APLF: variants seen among roughly 807,000 people sequenced by gnomAD.
The protein encoded by APLF is aprataxin and PNKP like factor.
A neutral mutation model predicts 55.6 loss-of-function variants in APLF; 61 were observed. The observed-to-expected ratio is 1.10, with a 90% confidence interval of 0.89 to 1.36. The LOEUF is 1.36. APLF is among the 40% of genes most tolerant of loss of function. The pLI, the probability that APLF is intolerant of heterozygous loss-of-function variation, is 0.00. For synonymous variants in APLF, 207 were observed against 214.8 expected (o/e 0.96, Z 0.32); for missense variants, 611 against 602.5 (o/e 1.01, Z -0.15).
intron 5 of APLF, 33 bp from the exon 6 acceptor site, chr2:68,526,028 G>T (rs1670036095): frequency 6.4e-7 from 1 of 1,557,568 alleles, no homozygotes; most frequent in Admixed American, 2.0e-5. Flanking sequence ...AGATACAGAA[G>T]ATAATTTTCT....
At chr2:68,483,405 G>C (rs1485865331) in intron 1 of APLF, among the ~76,000 whole-genome samples, 2 of 152,172 alleles carry the variant, frequency 1.3e-5, no homozygotes, top group Non-Finnish European at 2.9e-5. Context: ...CAGAGGCAGG[G>C]TGCCTTGCAC....
chr2:68,562,390 G>A (rs902335288), intron 8 of APLF, among the ~76,000 whole-genome samples: 1 of 152,050 alleles, frequency 6.6e-6, no homozygotes, highest in African/African-American at 2.4e-5. Flanking sequence ...ACCAGCTGGA[G>A]AGAGATACTT....
intron 7 of APLF, among the ~76,000 whole-genome samples, chr2:68,543,419 T>G (rs1353967105): frequency 6.6e-6 from 1 of 152,204 alleles, no homozygotes; most frequent in Non-Finnish European, 1.5e-5. Context: ...CTATAAATAC[T>G]GCCATGTGAA....
At chr2:68,486,377 A>G (rs1381975479) in intron 1 of APLF, among the ~76,000 whole-genome samples, 1 of 152,114 alleles carries the variant, frequency 6.6e-6, no homozygotes, top group African/African-American at 2.4e-5. Flanking sequence ...CTGGTTCCAC[A>G]TATTTTTATG....
chr2:68,542,272 C>T (rs1670573506), intron 7 of APLF, among the ~76,000 whole-genome samples: 1 of 152,000 alleles, frequency 6.6e-6, no homozygotes, highest in Non-Finnish European at 1.5e-5. Flanking sequence ...GACACCAAAG[C>T]ACAGACAACA....
At chr2:68,547,951 G>A (rs1024287842) in intron 8 of APLF, among the ~76,000 whole-genome samples, 1 of 151,708 alleles carries the variant, frequency 6.6e-6, no homozygotes, top group African/African-American at 2.4e-5. Context: ...AGATGTTCAA[G>A]AAATCTTTGT....
intron 8 of APLF, among the ~76,000 whole-genome samples, chr2:68,555,139 C>T (rs777427092): frequency 9.0e-4 from 137 of 152,110 alleles, no homozygotes; most frequent in Non-Finnish European, 1.6e-3. Context: ...CCTCATCTCT[C>T]ACCTTATACA....
chr2:68,518,229 G>A (rs1240411489), intron 5 of APLF, among the ~76,000 whole-genome samples: 1 of 115,252 alleles, frequency 8.7e-6, no homozygotes, highest in Non-Finnish European at 1.6e-5. Context: ...ATATATAATA[G>A]ATCATTAATA....
intron 9 of APLF, among the ~76,000 whole-genome samples, chr2:68,572,560 G>A (rs1185275218): frequency 6.6e-6 from 1 of 152,230 alleles, no homozygotes; most frequent in Non-Finnish European, 1.5e-5. Context: ...GTTTGGCTGG[G>A]TGTGGTGGCT....
In APLF at chr2:68,467,824, G is replaced by C; in HGVS notation, c.93G>C (p.Leu31=). The change falls in exon 1 of 10, where the codon CTG becomes CTC. Residue 31 remains leucine (L), a synonymous_variant. Transcript: ENST00000303795. The stretch of plus-strand genomic sequence containing the variant: ...CGGTGATCGGCCGCGGGCCGCTGCT[G>C]GGAGTAAGTGTGGGCGGGGGCTTAG... The part of the protein sequence containing the change: ...GETVIGRGPL[L]GITDKRVSRR... The C allele has an allele frequency of 1.6e-6, 2 of 1,232,806 alleles. No individual in the cohort carries two copies. The highest frequency in any genetic ancestry group is 2.0e-6 in the Non-Finnish European group (2 of 988,022). 76.4% of individuals were successfully genotyped at this position (1,232,806 alleles called of 1,614,324 possible).
chr2:68,525,967 C>T lies in APLF; in HGVS notation c.623-94C>T, dbSNP rs1670033114. 7.1e-6 allele frequency: 9 copies of T among 1,260,176 alleles called. No individual in the cohort carries two copies. In the Admixed American group the frequency reaches 1.4e-4, roughly 20 times the overall value. The allele number at this position is 1,260,176 out of a possible 1,614,324, so 78.1% of individuals were successfully genotyped here. A position where few individuals can be genotyped will look rare whatever the true frequency, so the allele number is the denominator to read the frequency against. On this transcript the variant is annotated intron_variant, in intron 5 of 9. Coordinates refer to ENST00000303795, the MANE Select transcript of APLF (RefSeq NM_173545.3). ...GTTTCACCATGTTGGCCAGGCTGGT[C>T]TCGAATCCTTTTTCTTTTTTCTTTT...
At chr2:68,478,520 C>T (rs4130848) in intron 1 of APLF, among the ~76,000 whole-genome samples, 4 of 151,950 alleles carry the variant, frequency 2.6e-5, no homozygotes, top group East Asian at 1.9e-4. Context: ...ATCTAAAGCT[C>T]GAGAATTTAA....
At chr2:68,513,470 G>A in intron 4 of APLF, 78 bp from the exon 5 acceptor site, 1 of 1,482,122 alleles carries the variant, frequency 6.7e-7, no homozygotes, top group Non-Finnish European at 9.3e-7. Context: ...TTTAATGGTA[G>A]TATTCTGCAA....
At position 68,510,980 on chromosome 2, in the gene APLF, A is replaced by G. The variant is rs541021328; in HGVS notation, c.342-2100A>G. 3.3e-5 allele frequency among the ~76,000 whole-genome samples: 5 copies of G among 151,822 alleles called. No individual in the cohort carries two copies. The South Asian group carries it at 8.3e-4, about 25-fold the overall frequency. Reference sequence around the variant, plus strand: ...TATGTAGAAAATGTGATCTTTGGAGACAGAAGGTAGATTAATGGTTGCGAG... The same window carrying G: ...TATGTAGAAAATGTGATCTTTGGAGGCAGAAGGTAGATTAATGGTTGCGAG... On this transcript the variant is annotated intron_variant, in intron 3 of 9. Transcript: ENST00000303795.
At chr2:68,567,129 T>G (rs774665654) in intron 8 of APLF, among the ~76,000 whole-genome samples, 1 of 152,098 alleles carries the variant, frequency 6.6e-6, no homozygotes, top group South Asian at 2.1e-4. Context: ...GAACTTTGTC[T>G]TCTTCATCAC....
intron 6 of APLF, among the ~76,000 whole-genome samples, chr2:68,536,496 A>G (rs1306185466): frequency 1.3e-5 from 2 of 152,190 alleles, no homozygotes; most frequent in Non-Finnish European, 2.9e-5. Context: ...GTATGTTGTT[A>G]TCACATCCTA....
At chr2:68,515,716 T>C in intron 5 of APLF, 9 of 983,752 alleles carry the variant, frequency 9.1e-6, no homozygotes, top group Non-Finnish European at 1.1e-5. Flanking sequence ...CAAAATAAGA[T>C]AGAAGAGTCT....
intron 9 of APLF, among the ~76,000 whole-genome samples, chr2:68,572,976 A>G (rs1573282457): frequency 6.6e-6 from 1 of 152,118 alleles, no homozygotes; most frequent in Non-Finnish European, 1.5e-5. Context: ...AAGAACTAAC[A>G]GTGAAATTTT....
chr2:68,518,267 AAT>A (rs1418587503), intron 5 of APLF, among the ~76,000 whole-genome samples: 2 of 117,634 alleles, frequency 1.7e-5, no homozygotes, highest in Admixed American at 1.0e-4. Context: ...ATGAATAGAT[AAT>A]ATATCAGTAT....
Sources: allele counts gnomAD v4.1 joint callset (sites outside exome capture counted in the v4.1 genomes callset), GRCh38; gene constraint gnomAD v4.1.1; transcripts MANE v1.5; gene names NCBI Gene and HGNC (gene_info 2026-07-23, HGNC 2026-07-21).